The following DPYD variants were observed in gnomAD, a reference collection of about 807,000 sequenced individuals.
DPYD encodes dihydropyrimidine dehydrogenase [NADP(+)].
Under a neutral mutation model 116.2 loss-of-function variants are expected in DPYD, and 109 were observed. The ratio of observed to expected loss-of-function variants is 0.94; its 90% confidence interval spans 0.80 to 1.10. The LOEUF (loss-of-function observed/expected upper bound fraction) is 1.10. DPYD is among the 50% of genes least tolerant of loss of function. The pLI is 0.00. For synonymous variants in DPYD, 440 were observed against 432.0 expected (o/e 1.02, Z -0.23); for missense variants, 1,302 against 1,254.5 (o/e 1.04, Z -0.57).
At chr1:97,712,651 A>G (rs1662357522) in intron 5 of DPYD, among the ~76,000 whole-genome samples, 1 of 151,958 alleles carries the variant, frequency 6.6e-6, no homozygotes, top group South Asian at 2.1e-4. Context: ...GCTTTGTATC[A>G]GGTGTGTGTG....
At chr1:97,857,068 G>A (rs1670881078) in intron 2 of DPYD, among the ~76,000 whole-genome samples, 1 of 152,116 alleles carries the variant, frequency 6.6e-6, no homozygotes, top group Non-Finnish European at 1.5e-5. Context: ...CTATTTCCCA[G>A]AAACTTGCCT....
chr1:97,750,800 T>G (rs1380814532), intron 3 of DPYD, among the ~76,000 whole-genome samples: 1 of 152,206 alleles, frequency 6.6e-6, no homozygotes, highest in Non-Finnish European at 1.5e-5. Context: ...AGTGTAGTAT[T>G]TGTAGGATAC....
intron 13 of DPYD, among the ~76,000 whole-genome samples, chr1:97,509,609 T>C (rs754874234): frequency 6.6e-6 from 1 of 151,924 alleles, no homozygotes; most frequent in Non-Finnish European, 1.5e-5. Flanking sequence ...ATATTTAAAT[T>C]TGCCATGCAA....
intron 1 of DPYD, among the ~76,000 whole-genome samples, chr1:97,900,158 G>A (rs1673289959): frequency 6.6e-6 from 1 of 151,826 alleles, no homozygotes. Flanking sequence ...GTTCTTCTCT[G>A]CTTTTGGAGC....
chr1:97,332,646 C>T lies in DPYD; in HGVS notation c.2059-26349G>A, dbSNP rs918119876. Among the ~76,000 whole-genome samples, 23 of 152,162 alleles carry T rather than the reference C, an allele frequency of 1.5e-4. 1 individual carries two copies. Among genetic ancestry groups the T allele is most frequent in the Admixed American group, 1.5e-3 (23 of 15,274 alleles). ...TTGTCATGTAATAGAAAAGATATTG[C>T]ACTTTTTTGATTCCTGACATAGTAT... On this transcript the variant is annotated intron_variant, in intron 16 of 22. Coordinates refer to ENST00000370192, the MANE Select transcript of DPYD (RefSeq NM_000110.4).
At chr1:97,636,983 G>A (rs768577610) in intron 8 of DPYD, among the ~76,000 whole-genome samples, 1 of 152,096 alleles carries the variant, frequency 6.6e-6, no homozygotes, top group Non-Finnish European at 1.5e-5. Flanking sequence ...CCCAGAGTTG[G>A]TATAAGAAAT....
chr1:97,813,329 C>G (rs1423067671), intron 3 of DPYD, among the ~76,000 whole-genome samples: 1 of 151,960 alleles, frequency 6.6e-6, no homozygotes, highest in African/African-American at 2.4e-5. Context: ...ATGTCTCAAG[C>G]AATATTCCCT....
chr1:97,490,383 CAT>C (rs945234975), intron 13 of DPYD, among the ~76,000 whole-genome samples: 24 of 147,238 alleles, frequency 1.6e-4, no homozygotes, highest in African/African-American at 4.9e-4. Flanking sequence ...ATATTATTAA[CAT>C]ATATATTACA....
intron 16 of DPYD, among the ~76,000 whole-genome samples, chr1:97,332,630 A>C (rs12407539): frequency 3.3e-5 from 5 of 151,978 alleles, no homozygotes; most frequent in African/African-American, 9.7e-5. Flanking sequence ...CTTGTCATGT[A>C]ATAGAAAAGA....
rs770320798 is a variant in DPYD at position 97,078,992 on chromosome 1, A to G, written c.3062T>C (p.Val1021Ala). The G allele has an allele frequency of 2.3e-5, 37 of 1,613,570 alleles. No individual in the cohort carries two copies. In the East Asian group the frequency reaches 7.1e-4, roughly 31 times the overall value. The change falls in exon 23 of 23, where the codon GTG (valine) becomes GCG (alanine). Residue 1021 changes from valine to alanine, a missense_variant. Physicochemically the swap from Val to Ala is moderately conservative, Grantham distance 64. Transcript: ENST00000370192. ...YEPKRGVPLSVNPVC is the reference protein window; with the variant it reads ...YEPKRGVPLSANPVC ...CAAATCACCTTAACACACCGGATTCACAGATAAGGGTACGCCTCTCTTTGG... is the reference window on the plus strand; with the variant it reads ...CAAATCACCTTAACACACCGGATTCGCAGATAAGGGTACGCCTCTCTTTGG...
chr1:97,728,939 C>T (rs1314282613), intron 4 of DPYD, among the ~76,000 whole-genome samples: 1 of 151,698 alleles, frequency 6.6e-6, no homozygotes, highest in Non-Finnish European at 1.5e-5. Flanking sequence ...CCTCATCGTA[C>T]TCATACTCTC....
intron 18 of DPYD, among the ~76,000 whole-genome samples, chr1:97,256,495 T>C (rs749667933): frequency 6.6e-6 from 1 of 152,080 alleles, no homozygotes; most frequent in Non-Finnish European, 1.5e-5. Context: ...GATCTGATGG[T>C]TTCATAAGGA....
chr1:97,633,522 T>C (rs1420996799), intron 8 of DPYD, among the ~76,000 whole-genome samples: 4 of 151,924 alleles, frequency 2.6e-5, no homozygotes, highest in Admixed American at 6.6e-5. Context: ...AACCAAATCA[T>C]CAACGATTTT....
intron 20 of DPYD, among the ~76,000 whole-genome samples, chr1:97,116,697 C>T (rs968868675): frequency 6.6e-6 from 1 of 151,754 alleles, no homozygotes; most frequent in African/African-American, 2.4e-5. Flanking sequence ...ATAAAAGATA[C>T]AAATATATAA....
intron 16 of DPYD, among the ~76,000 whole-genome samples, chr1:97,323,790 C>G (rs893358800): frequency 6.7e-6 from 1 of 150,204 alleles, no homozygotes; most frequent in Non-Finnish European, 1.5e-5. Flanking sequence ...GTACAAATAG[C>G]GTTCTTTATA....
chr1:97,419,816 G>A (rs1674485548), intron 14 of DPYD, among the ~76,000 whole-genome samples: 1 of 152,168 alleles, frequency 6.6e-6, no homozygotes, highest in African/African-American at 2.4e-5. Flanking sequence ...GTCAAAGAGT[G>A]CATGTATTCA....
chr1:97,176,898 A>AGG lies in DPYD; in HGVS notation c.2622+16169_2622+16170dup, dbSNP rs11379961. Among the ~76,000 whole-genome samples, 161 of 110,270 alleles carry AGG rather than the reference A, an allele frequency of 1.5e-3. 1 individual carries two copies. Among genetic ancestry groups the AGG allele is most frequent in the African/African-American group, 3.7e-3 (129 of 34,894 alleles). 72.3% of individuals were successfully genotyped at this position (110,270 alleles called of 152,430 possible). The stretch of plus-strand genomic sequence containing the variant: ...TGTGTGTGTGTGTGTGTGTGTGTGT[A>AGG]GGGGGGGTGTCCTAAAAGATTAACT... On this transcript the variant is annotated intron_variant, in intron 20 of 22. Transcript: ENST00000370192.
At chr1:97,611,402 G>A (rs552702715) in intron 8 of DPYD, among the ~76,000 whole-genome samples, 1 of 151,846 alleles carries the variant, frequency 6.6e-6, no homozygotes, top group African/African-American at 2.4e-5. Flanking sequence ...ATTTCATTTG[G>A]GTGATAAACC....
chr1:97,565,360 C>G (rs1380551904), intron 11 of DPYD, among the ~76,000 whole-genome samples: 1 of 152,102 alleles, frequency 6.6e-6, no homozygotes, highest in African/African-American at 2.4e-5. Flanking sequence ...ACAAAGAGCT[C>G]TTCCTTATTT....
Sources: gnomAD v4.1 joint callset for allele counts (sites outside exome capture counted in the v4.1 genomes callset) on GRCh38, gnomAD v4.1.1 for gene constraint, MANE v1.5 for transcripts, NCBI Gene and HGNC (gene_info 2026-07-23, HGNC 2026-07-21) for gene names.